The following CACNB4 variants were observed in gnomAD, a reference collection of about 807,000 sequenced individuals.
CACNB4 encodes calcium voltage-gated channel auxiliary subunit beta 4.
Under a neutral mutation model 71.2 loss-of-function variants are expected in CACNB4, and 32 were observed. The observed-to-expected ratio is 0.45, with a 90% CI of 0.34 to 0.60. The LOEUF is 0.60. Among genes scored for constraint, CACNB4 ranks in the 20% least tolerant of loss-of-function variants. The pLI is 0.01. For synonymous variants in CACNB4, 231 were observed against 236.9 expected, an observed-to-expected ratio of 0.97 and a Z score of 0.23; for missense variants, 464 against 647.9, an observed-to-expected ratio of 0.72 and a Z score of 3.08.
At chr2:151,961,249 A>G (rs2099869574) in intron 2 of CACNB4, among the ~76,000 whole-genome samples, 2 of 152,218 alleles carry the variant, frequency 1.3e-5, no homozygotes, top group Admixed American at 6.5e-5. Context: ...GGCCATGACA[A>G]TGGAGCACAT....
chr2:152,048,536 CGAT>C (rs74642236), intron 2 of CACNB4: 2,834 of 152,380 alleles, frequency 0.019, 37 homozygotes, highest in Middle Eastern at 0.031. Flanking sequence ...TGTCTCCTGA[CGAT>C]GAGAGAAGTT....
chr2:151,912,053 T>G (rs2099856301), intron 2 of CACNB4, among the ~76,000 whole-genome samples: 1 of 152,160 alleles, frequency 6.6e-6, no homozygotes, highest in Admixed American at 6.5e-5. Flanking sequence ...ATTTGATTCT[T>G]CTCTCTTTTC....
At chr2:151,977,459 T>G (rs1214558762) in intron 2 of CACNB4, among the ~76,000 whole-genome samples, 1 of 152,210 alleles carries the variant, frequency 6.6e-6, no homozygotes, top group Non-Finnish European at 1.5e-5. Flanking sequence ...TCAGTTCTTT[T>G]TCATGGGCTT....
chr2:151,968,719 A>G (rs1310440828), intron 2 of CACNB4: 1 of 152,214 alleles, frequency 6.6e-6, no homozygotes, highest in African/African-American at 2.4e-5. Context: ...GAATAATGGA[A>G]TGTCCATTGA....
intron 12 of CACNB4, 82 bp downstream of exon 12, chr2:151,853,366 G>A: frequency 1.3e-6 from 1 of 748,564 alleles, no homozygotes; most frequent in Non-Finnish European, 2.2e-6. Flanking sequence ...ATTTTAGAAT[G>A]AAAACAACAA....
chr2:151,998,305 A>G (rs1293043954), intron 2 of CACNB4, among the ~76,000 whole-genome samples: 1 of 138,508 alleles, frequency 7.2e-6, no homozygotes, highest in East Asian at 2.1e-4. Flanking sequence ...AGCCTGGGCA[A>G]CTCCATCTCC....
chr2:151,870,885 T>C, intron 6 of CACNB4, 24 bp from the exon 7 acceptor site: 1 of 1,571,830 alleles, frequency 6.4e-7, no homozygotes, highest in Non-Finnish European at 8.7e-7. Flanking sequence ...ACGAGAGCCA[T>C]ATCAAAATAT....
intron 2 of CACNB4, among the ~76,000 whole-genome samples, chr2:152,089,840 C>A (rs1428038766): frequency 6.6e-6 from 1 of 151,974 alleles, no homozygotes. Context: ...TACTTGTAGG[C>A]TGAGGTGGGA....
intron 2 of CACNB4, among the ~76,000 whole-genome samples, chr2:152,026,614 A>G (rs1263184181): frequency 1.3e-5 from 2 of 152,278 alleles, no homozygotes; most frequent in Middle Eastern, 3.4e-3. Flanking sequence ...TCCTGACCTC[A>G]GGTGATCTGC....
intron 2 of CACNB4, among the ~76,000 whole-genome samples, chr2:151,962,254 T>C (rs140242281): frequency 3.7e-4 from 56 of 152,350 alleles, no homozygotes; most frequent in Non-Finnish European, 6.8e-4. Flanking sequence ...CAGGTTCCTA[T>C]AACCACACCC....
chr2:152,069,503 C>CTTT (rs34430081), intron 2 of CACNB4, among the ~76,000 whole-genome samples: 6 of 128,920 alleles, frequency 4.7e-5, no homozygotes, highest in Admixed American at 8.0e-5. Context: ...AAGAACACGC[C>CTTT]TTTTTTTTTT....
chr2:152,070,479 CT>C (rs929148854), intron 2 of CACNB4, among the ~76,000 whole-genome samples: 1 of 151,998 alleles, frequency 6.6e-6, no homozygotes, highest in African/African-American at 2.4e-5. Flanking sequence ...GTCATACATG[CT>C]TTTTTTATAG....
At chr2:152,003,378 G>A (rs1170822443) in intron 2 of CACNB4, among the ~76,000 whole-genome samples, 1 of 151,960 alleles carries the variant, frequency 6.6e-6, no homozygotes, top group Non-Finnish European at 1.5e-5. Context: ...CCAGGGAGGT[G>A]GAGGTTGCAG....
chr2:151,949,773 GT>G (rs1482167674), intron 2 of CACNB4, among the ~76,000 whole-genome samples: 24 of 152,184 alleles, frequency 1.6e-4, no homozygotes, highest in Non-Finnish European at 1.2e-4. Context: ...TTCTGGCCAG[GT>G]GCGGTAGCTC....
chr2:152,047,626 G>T (rs1400434877), intron 2 of CACNB4, among the ~76,000 whole-genome samples: 1 of 152,180 alleles, frequency 6.6e-6, no homozygotes, highest in Non-Finnish European at 1.5e-5. Context: ...AGGCACGGTG[G>T]CTCACGCCTG....
At chr2:151,956,434 C>T (rs1226118256) in intron 2 of CACNB4, among the ~76,000 whole-genome samples, 2 of 152,200 alleles carry the variant, frequency 1.3e-5, no homozygotes, top group South Asian at 2.1e-4. Flanking sequence ...GTGAAAGAAG[C>T]CTACAAAAGG....
At chr2:152,017,511 A>T (rs1230318177) in intron 2 of CACNB4, among the ~76,000 whole-genome samples, 2 of 148,600 alleles carry the variant, frequency 1.3e-5, no homozygotes, top group East Asian at 2.0e-4. Flanking sequence ...ATCGAGACCC[A>T]TCCTGGCTAA....
intron 2 of CACNB4, among the ~76,000 whole-genome samples, chr2:152,025,736 T>C (rs1390483282): frequency 6.6e-6 from 1 of 152,224 alleles, no homozygotes; most frequent in Non-Finnish European, 1.5e-5. Context: ...CATACCGTAC[T>C]GTGTATTTTA....
intron 2 of CACNB4, chr2:151,971,524 T>C (rs1336283142): frequency 1.4e-6 from 1 of 702,754 alleles, no homozygotes; most frequent in Non-Finnish European, 2.6e-6. Flanking sequence ...TGCTTCCATC[T>C]GGACAACCCC....
Sources: allele counts gnomAD v4.1 joint callset (sites outside exome capture counted in the v4.1 genomes callset), GRCh38; gene constraint gnomAD v4.1.1; transcripts MANE v1.5; gene names NCBI Gene and HGNC (gene_info 2026-07-23, HGNC 2026-07-21).